Variants in GPHN observed in about 807,000 individuals in gnomAD.
The protein encoded by GPHN is gephyrin.
A neutral mutation model predicts 95.5 loss-of-function variants in GPHN; 17 were observed. That is an observed-to-expected ratio of 0.18 (90% CI 0.12 to 0.27). The LOEUF (loss-of-function observed/expected upper bound fraction) is 0.27, where lower values mean the gene tolerates loss of function less well. GPHN is among the 10% of genes least tolerant of loss of function. The pLI is 1.00. For synonymous variants in GPHN, 320 were observed against 322.5 expected, an observed-to-expected ratio of 0.99 and a Z score of 0.08; for missense variants, 660 against 978.1, an observed-to-expected ratio of 0.67 and a Z score of 4.34.
At chr14:67,192,186 C>G in the GPHN span, among the ~76,000 whole-genome samples, 1 of 152,118 alleles carries the variant, frequency 6.6e-6, no homozygotes, top group Non-Finnish European at 1.5e-5. Context: ...ATGGGCCTAG[C>G]AAAAGGCAAA....
chr14:67,462,708 C>G, the GPHN span, among the ~76,000 whole-genome samples: 1 of 152,162 alleles, frequency 6.6e-6, no homozygotes, highest in African/African-American at 2.4e-5. Context: ...GGCTGAAGAG[C>G]AAACTAAGAG....
At chr14:67,502,320 G>A in the GPHN span, among the ~76,000 whole-genome samples, 1 of 150,416 alleles carries the variant, frequency 6.6e-6, no homozygotes, top group African/African-American at 2.5e-5. Flanking sequence ...AACAGAGTGA[G>A]ACTCCATCTC....
At chr14:67,011,767 G>A (rs117876108) in intron 9 of GPHN, among the ~76,000 whole-genome samples, 2,900 of 149,676 alleles carry the variant, frequency 0.019, 38 homozygotes, top group Middle Eastern at 0.031. Flanking sequence ...TTTTCAGTGT[G>A]TGCTATGAAG....
At chr14:67,218,934 C>T in the GPHN span, among the ~76,000 whole-genome samples, 2 of 151,946 alleles carry the variant, frequency 1.3e-5, no homozygotes, top group African/African-American at 4.8e-5. Flanking sequence ...GATCCTGGCC[C>T]AGGTTCTGCA....
At chr14:66,683,348 A>T (rs1411369496) in intron 2 of GPHN, among the ~76,000 whole-genome samples, 1 of 94,824 alleles carries the variant, frequency 1.1e-5, no homozygotes, top group African/African-American at 6.7e-5. Context: ...ATATATATAT[A>T]TATATATATA....
At chr14:66,982,459 G>C (rs2070740672) in intron 9 of GPHN, among the ~76,000 whole-genome samples, 1 of 152,134 alleles carries the variant, frequency 6.6e-6, no homozygotes, top group Non-Finnish European at 1.5e-5. Flanking sequence ...CCTGAGGAAA[G>C]ATTCCCAGAA....
chr14:67,178,296 A>T (rs1248343139), intron 21 of GPHN, among the ~76,000 whole-genome samples: 1 of 152,088 alleles, frequency 6.6e-6, no homozygotes, highest in Non-Finnish European at 1.5e-5. Context: ...TCTGTAAAGG[A>T]TTTTATTTCT....
chr14:67,141,223 C>G (rs1275559650), intron 17 of GPHN, among the ~76,000 whole-genome samples: 1 of 152,164 alleles, frequency 6.6e-6, no homozygotes, highest in Non-Finnish European at 1.5e-5. Flanking sequence ...GAATTTTACC[C>G]AGACCCTGTA....
At chr14:67,298,543 A>G in the GPHN span, among the ~76,000 whole-genome samples, 1 of 152,072 alleles carries the variant, frequency 6.6e-6, no homozygotes, top group South Asian at 2.1e-4. Flanking sequence ...TATTATAAAA[A>G]CTATGAGTAG....
At chr14:67,729,931 A>G in the GPHN span, 6 of 413,110 alleles carry the variant, frequency 1.5e-5, no homozygotes, top group Non-Finnish European at 2.4e-5. Context: ...TTCCCATTCC[A>G]TGACAGAATC....
chr14:67,614,245 T>G, the GPHN span, among the ~76,000 whole-genome samples: 2 of 152,192 alleles, frequency 1.3e-5, no homozygotes, highest in African/African-American at 4.8e-5. Flanking sequence ...TTCTTTTCTC[T>G]CTTGTTAATC....
At chr14:67,357,767 G>C in the GPHN span, among the ~76,000 whole-genome samples, 1 of 152,154 alleles carries the variant, frequency 6.6e-6, no homozygotes, top group African/African-American at 2.4e-5. Context: ...GGAGCCAGCC[G>C]CAAGAAGAGT....
At chr14:66,595,970 C>T (rs927501713) in intron 1 of GPHN, among the ~76,000 whole-genome samples, 2 of 152,118 alleles carry the variant, frequency 1.3e-5, no homozygotes, top group Non-Finnish European at 2.9e-5. Flanking sequence ...AGTGACAGAA[C>T]AGCTTAAAGG....
the GPHN span, chr14:67,412,307 T>C: frequency 2.3e-6 from 1 of 427,954 alleles, no homozygotes; most frequent in Non-Finnish European, 4.1e-6. Flanking sequence ...GTCCTCCAGG[T>C]ACAGAGCGGC....
At chr14:67,058,461 T>G (rs2075689914) in intron 10 of GPHN, among the ~76,000 whole-genome samples, 188 bp from the exon 11 acceptor site, 1 of 152,238 alleles carries the variant, frequency 6.6e-6, no homozygotes, top group Admixed American at 6.5e-5. Context: ...ACACATGATG[T>G]AACATTGCTA....
At chr14:67,491,650 T>C in the GPHN span, among the ~76,000 whole-genome samples, 5 of 152,306 alleles carry the variant, frequency 3.3e-5, no homozygotes, top group African/African-American at 1.2e-4. Flanking sequence ...GTAGAGAAGA[T>C]GCCTAAAGGC....
intron 4 of GPHN, among the ~76,000 whole-genome samples, chr14:66,879,357 A>C: frequency 6.6e-6 from 1 of 151,922 alleles, no homozygotes; most frequent in African/African-American, 2.4e-5. Flanking sequence ...GTATATTAAA[A>C]AAAAAAAAAG....
chr14:66,850,501 T>TGTAG (rs2062534855), intron 4 of GPHN, among the ~76,000 whole-genome samples: 1 of 152,116 alleles, frequency 6.6e-6, no homozygotes, highest in African/African-American at 2.4e-5. Flanking sequence ...TGAATTAACA[T>TGTAG]GTAGTTTGTA....
chr14:66,863,370 A>T (rs2063107014), intron 4 of GPHN, among the ~76,000 whole-genome samples: 1 of 152,150 alleles, frequency 6.6e-6, no homozygotes, highest in African/African-American at 2.4e-5. Flanking sequence ...GGAAAAATTA[A>T]TATTGTTAAA....
Sources: allele counts gnomAD v4.1 joint callset (sites outside exome capture counted in the v4.1 genomes callset), GRCh38; gene constraint gnomAD v4.1.1; transcripts MANE v1.5; gene names NCBI Gene and HGNC (gene_info 2026-07-23, HGNC 2026-07-21).